Variants in DMRT1 observed in about 807,000 individuals in gnomAD.
DMRT1 encodes the protein doublesex and mab-3 related transcription factor 1.
DMRT1 carries 7 observed loss-of-function variants against 32.3 expected under a neutral mutation model. That is an observed-to-expected ratio of 0.22 (90% CI 0.12 to 0.41). The LOEUF is 0.41. Among genes scored for constraint, DMRT1 ranks in the 10% least tolerant of loss-of-function variants. DMRT1 has a pLI of 1.00. For missense variants in DMRT1, 625 were observed against 500.5 expected, an observed-to-expected ratio of 1.25 and a Z score of -2.37; for synonymous variants, 278 against 206.1, an observed-to-expected ratio of 1.35 and a Z score of -2.99.
intron 2 of DMRT1, among the ~76,000 whole-genome samples, chr9:862,062 C>T (rs189367220): frequency 0.12 from 16,229 of 137,150 alleles, 73 homozygotes; most frequent in East Asian, 0.23. Context: ...AGACGATGGG[C>T]GGCCAGGCAG....
At chr9:887,180 C>A in intron 2 of DMRT1, among the ~76,000 whole-genome samples, 1 of 152,162 alleles carries the variant, frequency 6.6e-6, no homozygotes, top group East Asian at 1.9e-4. Flanking sequence ...GCCTGGGAAA[C>A]AATGTGAGAC....
chr9:861,862 C>T (rs1407870517), intron 2 of DMRT1, among the ~76,000 whole-genome samples: 3 of 150,216 alleles, frequency 2.0e-5, no homozygotes, highest in Non-Finnish European at 3.0e-5. Context: ...ACCTCCCAGA[C>T]GGGGTCGCGG....
At chr9:927,829 C>T (rs911315153) in intron 4 of DMRT1, among the ~76,000 whole-genome samples, 3 of 152,110 alleles carry the variant, frequency 2.0e-5, no homozygotes, top group Non-Finnish European at 4.4e-5. Flanking sequence ...TTTGATTTTG[C>T]TATGTGTGAA....
At chr9:895,256 G>C (rs1037454805) in intron 3 of DMRT1, among the ~76,000 whole-genome samples, 1 of 152,164 alleles carries the variant, frequency 6.6e-6, no homozygotes, top group Non-Finnish European at 1.5e-5. Context: ...CATCATGCCC[G>C]TTTGTTAGCA....
At chr9:844,358 T>A (rs1838811509) in intron 1 of DMRT1, among the ~76,000 whole-genome samples, 1 of 147,886 alleles carries the variant, frequency 6.8e-6, no homozygotes, top group Non-Finnish European at 1.5e-5. Context: ...TAATCAATTG[T>A]TATCCCCTTT....
chr9:864,249 G>A (rs1220948648), intron 2 of DMRT1, among the ~76,000 whole-genome samples: 1 of 151,220 alleles, frequency 6.6e-6, no homozygotes, highest in Non-Finnish European at 1.5e-5. Flanking sequence ...TTTGTCACCA[G>A]GCTGGAGTGC....
At chr9:864,568 G>A (rs1007529067) in intron 2 of DMRT1, among the ~76,000 whole-genome samples, 19 of 141,964 alleles carry the variant, frequency 1.3e-4, no homozygotes, top group African/African-American at 4.1e-4. Flanking sequence ...GTGCGATCTC[G>A]GCTCACTGCA....
chr9:955,783 C>T (rs759720782), intron 4 of DMRT1, among the ~76,000 whole-genome samples: 25 of 152,098 alleles, frequency 1.6e-4, no homozygotes, highest in Admixed American at 4.6e-4. Flanking sequence ...AATCAGTGAA[C>T]GGAAAATAAG....
intron 2 of DMRT1, among the ~76,000 whole-genome samples, chr9:892,309 A>T (rs1293658929): frequency 6.6e-6 from 1 of 152,098 alleles, no homozygotes; most frequent in African/African-American, 2.4e-5. Context: ...TTCCTTGCCC[A>T]GATGGAGCTA....
In DMRT1 at chr9:858,919, A is replaced by G. The variant is rs138764446; in HGVS notation, c.538+11776A>G. On this transcript the variant is annotated intron_variant, in intron 2 of 4. Transcript: ENST00000382276. ...TTTATCATTGTAACCATTTTTAAGC[A>G]TAGAGTTCAGTGGTATTAGGTACAT... is the stretch of plus-strand genomic sequence containing the variant. Among the ~76,000 whole-genome samples, 601 of 151,434 alleles carry G rather than the reference A, an allele frequency of 4.0e-3. 6 individuals are homozygous for G. Among genetic ancestry groups the G allele is most frequent in the African/African-American group, 0.014 (573 of 41,330 alleles).
intron 2 of DMRT1, among the ~76,000 whole-genome samples, chr9:871,332 T>A (rs1269876957): frequency 6.8e-6 from 1 of 148,106 alleles, no homozygotes; most frequent in Non-Finnish European, 1.5e-5. Flanking sequence ...GGCTGGTCTT[T>A]GAACTCTTTT....
intron 4 of DMRT1, among the ~76,000 whole-genome samples, chr9:941,332 C>T (rs1299635308): frequency 8.4e-6 from 1 of 119,712 alleles, no homozygotes; most frequent in Non-Finnish European, 1.7e-5. Context: ...CACCCCCTCC[C>T]CCCCCCCACA....
intron 4 of DMRT1, among the ~76,000 whole-genome samples, chr9:958,976 C>G (rs1239197424): frequency 6.6e-6 from 1 of 152,226 alleles, no homozygotes; most frequent in Admixed American, 6.5e-5. Flanking sequence ...CCCTTTCAGA[C>G]TGGAGCATCT....
At chr9:895,632 C>G (rs935526187) in intron 3 of DMRT1, among the ~76,000 whole-genome samples, 1 of 152,028 alleles carries the variant, frequency 6.6e-6, no homozygotes, top group Non-Finnish European at 1.5e-5. Context: ...CACAATTAAG[C>G]TAATTAACAA....
Position 968,191 on chromosome 9 carries a change from T to A in DMRT1, c.*52T>A. ...ACTTGGAGTAACAGGCTTATTCCACTTTCCATGGGGTTTGTTAATATTTTG... is the reference window on the plus strand; with the variant it reads ...ACTTGGAGTAACAGGCTTATTCCACATTCCATGGGGTTTGTTAATATTTTG... On this transcript the variant is annotated 3_prime_UTR_variant, in exon 5 of 5. Transcript: ENST00000382276. 1 of 1,603,002 alleles carries A rather than the reference T, an allele frequency of 6.2e-7. No homozygotes were observed. The highest frequency in any genetic ancestry group is 8.5e-7 in the Non-Finnish European group (1 of 1,172,890).
chr9:883,750 C>G (rs1445994750), intron 2 of DMRT1, among the ~76,000 whole-genome samples: 1 of 150,672 alleles, frequency 6.6e-6, no homozygotes, highest in African/African-American at 2.4e-5. Flanking sequence ...CATGATCACA[C>G]CACTGCACTT....
intron 2 of DMRT1, among the ~76,000 whole-genome samples, chr9:866,806 T>C (rs558189604): frequency 2.0e-4 from 31 of 152,318 alleles, no homozygotes; most frequent in African/African-American, 7.5e-4. Flanking sequence ...AGGGTGGTGT[T>C]CATTTTCCTT....
intron 3 of DMRT1, among the ~76,000 whole-genome samples, chr9:915,445 A>C (rs980598013): frequency 1.3e-5 from 2 of 152,174 alleles, no homozygotes; most frequent in African/African-American, 2.4e-5. Flanking sequence ...ATGGTCCTAA[A>C]GGCAGGGTCT....
At chr9:859,401 G>A (rs10815892) in intron 2 of DMRT1, among the ~76,000 whole-genome samples, 45,418 of 151,670 alleles carry the variant, frequency 0.3, 7,255 homozygotes, top group African/African-American at 0.43. Context: ...TAGTTGTACC[G>A]TGAAGCAAAG....
Sources: allele counts gnomAD v4.1 joint callset (sites outside exome capture counted in the v4.1 genomes callset), GRCh38; gene constraint gnomAD v4.1.1; transcripts MANE v1.5; gene names NCBI Gene and HGNC (gene_info 2026-07-23, HGNC 2026-07-21).